Variants in LAMA2 observed in about 807,000 individuals in gnomAD.
LAMA2 encodes laminin subunit alpha-2.
LAMA2 carries 269 observed loss-of-function variants against 364.8 expected under a neutral mutation model. The observed-to-expected ratio is 0.74, with a 90% CI of 0.67 to 0.82. LAMA2 has a LOEUF of 0.82. Among genes scored for constraint, LAMA2 ranks in the 40% least tolerant of loss-of-function variants. The pLI, the probability that LAMA2 is intolerant of heterozygous loss-of-function variation, is 0.00. For missense variants in LAMA2, 3,807 were observed against 3,873.2 expected (o/e 0.98, Z 0.45); for synonymous variants, 1,379 against 1,370.6 (o/e 1.01, Z -0.14).
intron 3 of LAMA2, among the ~76,000 whole-genome samples, chr6:129,061,485 G>A (rs75607527): frequency 0.023 from 3,467 of 152,136 alleles, 119 homozygotes; most frequent in African/African-American, 0.078. Flanking sequence ...ACTGGATGGC[G>A]CAACCACAAG....
chr6:129,480,886 A>C (rs1478424011), intron 54 of LAMA2, among the ~76,000 whole-genome samples: 2 of 152,200 alleles, frequency 1.3e-5, no homozygotes, highest in African/African-American at 4.8e-5. Context: ...GTGTTTTCAA[A>C]GGAAACTTAG....
At chr6:129,214,952 T>C (rs529394869) in intron 12 of LAMA2, among the ~76,000 whole-genome samples, 1 of 152,358 alleles carries the variant, frequency 6.6e-6, no homozygotes, top group South Asian at 2.1e-4. Flanking sequence ...TTTCTTTCAC[T>C]GGAGTTTTAT....
chr6:129,383,296 A>T, intron 35 of LAMA2, 63 bp downstream of exon 35: 8 of 1,238,140 alleles, frequency 6.5e-6, no homozygotes, highest in Non-Finnish European at 9.4e-6. Flanking sequence ...GAAAGGGATG[A>T]CACAGGACTG....
intron 1 of LAMA2, among the ~76,000 whole-genome samples, chr6:129,015,943 A>G (rs1201122855): frequency 6.6e-6 from 1 of 151,944 alleles, no homozygotes; most frequent in Admixed American, 6.6e-5. Context: ...TCTGCACTTC[A>G]ATCAGCAGGA....
chr6:129,397,887 A>C (rs996876927), intron 37 of LAMA2, among the ~76,000 whole-genome samples: 1 of 150,140 alleles, frequency 6.7e-6, no homozygotes, highest in Non-Finnish European at 1.5e-5. Flanking sequence ...CAGTGAGCCA[A>C]GATTGCTCCA....
chr6:129,066,934 T>C (rs1358465450), intron 3 of LAMA2, among the ~76,000 whole-genome samples: 2 of 152,162 alleles, frequency 1.3e-5, no homozygotes, highest in Admixed American at 1.3e-4. Flanking sequence ...AAATTCTAAA[T>C]GAATTAAAGA....
intron 4 of LAMA2, among the ~76,000 whole-genome samples, chr6:129,124,523 C>G (rs1487154233): frequency 6.6e-6 from 1 of 152,180 alleles, no homozygotes; most frequent in Admixed American, 6.5e-5. Flanking sequence ...GGAAGTAGAG[C>G]CCAGGCAACT....
At chr6:129,251,040 TTCTCTCTC>T (rs66896334) in intron 13 of LAMA2, among the ~76,000 whole-genome samples, 180 of 61,660 alleles carry the variant, frequency 2.9e-3, no homozygotes, top group Middle Eastern at 8.8e-3. Flanking sequence ...GTCTCTCTCT[TTCTCTCTC>T]TCTCTCTCTC....
At chr6:129,092,444 T>C (rs1372428762) in intron 3 of LAMA2, among the ~76,000 whole-genome samples, 1 of 152,216 alleles carries the variant, frequency 6.6e-6, no homozygotes, top group Non-Finnish European at 1.5e-5. Flanking sequence ...AAAGCCACCG[T>C]TCCTATTTGG....
chr6:129,110,483 A>T (rs931121336), intron 4 of LAMA2, among the ~76,000 whole-genome samples: 3 of 152,044 alleles, frequency 2.0e-5, no homozygotes, highest in Non-Finnish European at 4.4e-5. Flanking sequence ...ACTCCCAAGC[A>T]AAAGGAAGAG....
Position 129,453,064 on chromosome 6 carries a change from A to G in LAMA2, c.6506A>G (p.Asn2169Ser), listed in dbSNP as rs144845618. The change falls in exon 46 of 65, where the codon AAT (asparagine) becomes AGT (serine). Residue 2169 changes from asparagine (N) to serine (S), a missense_variant. Asn to Ser is a conservative substitution (Grantham distance 46). Transcript: ENST00000421865. ...KPEIKKGSYN[N>S]IVVNVKTAVA... ...GAAATCAAGAAAGGAAGTTACAATA[A>G]TATTGTTGTCAACGTAAAGACAGCT... 9.5e-5 allele frequency: 154 copies of G among 1,612,850 alleles called. No homozygotes were observed. The African/African-American group carries it at 1.7e-3, about 18-fold the overall frequency.
intron 36 of LAMA2, 126 bp downstream of exon 36, chr6:129,391,779 C>T (rs895986016): frequency 2.7e-6 from 2 of 730,312 alleles, no homozygotes; most frequent in Non-Finnish European, 4.7e-6. Context: ...GAGATATTTG[C>T]TATGTTATCT....
intron 34 of LAMA2, among the ~76,000 whole-genome samples, chr6:129,375,010 T>C (rs1778293647): frequency 1.3e-5 from 2 of 152,102 alleles, no homozygotes; most frequent in Non-Finnish European, 2.9e-5. Context: ...GGAGCTACCC[T>C]CTCTTCTTTA....
At chr6:128,986,373 G>A (rs1210043245) in intron 1 of LAMA2, among the ~76,000 whole-genome samples, 5 of 152,008 alleles carry the variant, frequency 3.3e-5, no homozygotes, top group Non-Finnish European at 7.4e-5. Flanking sequence ...AGGTCGGTAG[G>A]GCTGTTCACT....
chr6:129,023,572 G>T (rs771558157), intron 1 of LAMA2, among the ~76,000 whole-genome samples: 10 of 152,140 alleles, frequency 6.6e-5, no homozygotes, highest in Non-Finnish European at 1.2e-4. Context: ...AGCTGTCTTT[G>T]AGTCTTCCTT....
At chr6:129,188,965 G>A (rs981798786) in intron 10 of LAMA2, among the ~76,000 whole-genome samples, 4 of 151,824 alleles carry the variant, frequency 2.6e-5, no homozygotes, top group Admixed American at 6.6e-5. Flanking sequence ...CGTACTATGC[G>A]TATAGCACTT....
At chr6:128,960,328 C>CTTTTTTTTTTTTTTTTTTTTTTTTTTTTT (rs372898589) in intron 1 of LAMA2, among the ~76,000 whole-genome samples, 1 of 133,212 alleles carries the variant, frequency 7.5e-6, no homozygotes, top group Non-Finnish European at 1.6e-5. Context: ...TTTGATTACT[C>CTTTTTTTTTTTTTTTTTTTTTTTTTTTTT]TTTTTTTTTT....
chr6:129,487,440 G>C (rs933509117), intron 56 of LAMA2, among the ~76,000 whole-genome samples: 1 of 152,126 alleles, frequency 6.6e-6, no homozygotes, highest in Non-Finnish European at 1.5e-5. Flanking sequence ...AGACTTCAGG[G>C]GTTCAGACCT....
chr6:129,487,664 T>C (rs920935397), intron 56 of LAMA2, among the ~76,000 whole-genome samples: 4 of 152,252 alleles, frequency 2.6e-5, no homozygotes, highest in Admixed American at 2.0e-4. Context: ...AAAGATTTCT[T>C]ACCTTCTAAG....
Sources: gnomAD v4.1 joint callset for allele counts (sites outside exome capture counted in the v4.1 genomes callset) on GRCh38, gnomAD v4.1.1 for gene constraint, MANE v1.5 for transcripts, NCBI Gene and HGNC (gene_info 2026-07-23, HGNC 2026-07-21) for gene names.